The following NRXN1 variants were observed in gnomAD, a reference collection of about 807,000 sequenced individuals.
NRXN1 encodes the protein neurexin 1, also known as neurexin-1.
NRXN1 carries 39 observed loss-of-function variants against 150.9 expected under a neutral mutation model. The observed-to-expected ratio is 0.26, with a 90% confidence interval of 0.20 to 0.34. The LOEUF (loss-of-function observed/expected upper bound fraction) is 0.34. Among genes scored for constraint, NRXN1 ranks in the 10% least tolerant of loss-of-function variants. The pLI is 1.00. For missense variants in NRXN1, 1,815 were observed against 1,949.9 expected (o/e 0.93, Z 1.30); for synonymous variants, 924 against 757.0 (o/e 1.22, Z -3.62).
At chr2:50,763,946 G>A (rs1375270400) in intron 5 of NRXN1, among the ~76,000 whole-genome samples, 1 of 151,536 alleles carries the variant, frequency 6.6e-6, no homozygotes, top group Non-Finnish European at 1.5e-5. Flanking sequence ...CACTCCCACT[G>A]AGCTGACATG....
intron 5 of NRXN1, among the ~76,000 whole-genome samples, chr2:50,660,152 CA>C (rs1199034299): frequency 6.6e-6 from 1 of 151,998 alleles, no homozygotes; most frequent in Non-Finnish European, 1.5e-5. Context: ...TTATAGTAAG[CA>C]ATGTCACATA....
intron 15 of NRXN1, among the ~76,000 whole-genome samples, chr2:50,480,728 A>T (rs181686459): frequency 2.6e-5 from 4 of 152,286 alleles, no homozygotes; most frequent in African/African-American, 9.6e-5. Context: ...TGTCAGCCAC[A>T]GGTGTTCCTG....
At chr2:50,689,215 G>T (rs186616452) in intron 5 of NRXN1, among the ~76,000 whole-genome samples, 1 of 152,120 alleles carries the variant, frequency 6.6e-6, no homozygotes. Context: ...CAAGAAAACT[G>T]TACAGTCCTG....
chr2:50,206,999 T>C (rs1313786916), intron 18 of NRXN1, among the ~76,000 whole-genome samples: 1 of 151,846 alleles, frequency 6.6e-6, no homozygotes, highest in African/African-American at 2.4e-5. Flanking sequence ...ATATACTAAG[T>C]GTACATTAGG....
chr2:50,550,893 G>A (rs1667369865), intron 9 of NRXN1, among the ~76,000 whole-genome samples: 1 of 151,734 alleles, frequency 6.6e-6, no homozygotes, highest in African/African-American at 2.4e-5. Flanking sequence ...ATGTTAGCCA[G>A]GATGGTCTGG....
intron 17 of NRXN1, among the ~76,000 whole-genome samples, chr2:50,420,070 G>C (rs2083857432): frequency 6.6e-6 from 1 of 152,006 alleles, no homozygotes; most frequent in African/African-American, 2.4e-5. Context: ...ACTAAACATA[G>C]CACTGAGAAT....
At chr2:50,147,045 C>T (rs1313970762) in intron 18 of NRXN1, among the ~76,000 whole-genome samples, 1 of 151,698 alleles carries the variant, frequency 6.6e-6, no homozygotes, top group East Asian at 1.9e-4. Flanking sequence ...TCCCCTGTAA[C>T]ACTCAGTACA....
rs188417971 is a variant in NRXN1, at chr2:50,302,253, C to T, written c.3365-65283G>A. Among the ~76,000 whole-genome samples the T allele has an allele frequency of 6.6e-5, 10 of 151,972 alleles. No individual in the cohort carries two copies. In the East Asian group the frequency reaches 1.7e-3, roughly 26 times the overall value. ...ATGAATCCTTGAAGTTTCTTTTTTG[C>T]AGAGATTTAAGTTTTCAACTTTTCA... On this transcript the variant is annotated intron_variant, in intron 17 of 22. Transcript: ENST00000401669.
chr2:50,177,559 T>A (rs1004627491), intron 18 of NRXN1, among the ~76,000 whole-genome samples: 1 of 151,958 alleles, frequency 6.6e-6, no homozygotes, highest in Non-Finnish European at 1.5e-5. Context: ...TAAAATATTA[T>A]ATTCTCAAAA....
chr2:50,811,037 A>G (rs1668146490), intron 5 of NRXN1, among the ~76,000 whole-genome samples: 1 of 152,184 alleles, frequency 6.6e-6, no homozygotes, highest in Non-Finnish European at 1.5e-5. Flanking sequence ...GTACCCTGGT[A>G]AGGGGGACAG....
chr2:49,988,392 G>A (rs536152188), intron 21 of NRXN1, among the ~76,000 whole-genome samples: 1 of 151,910 alleles, frequency 6.6e-6, no homozygotes, highest in South Asian at 2.1e-4. Flanking sequence ...CTGCTAGACT[G>A]GGAAACAAAA....
At chr2:50,849,265 C>A (rs1430362302) in intron 5 of NRXN1, among the ~76,000 whole-genome samples, 1 of 152,214 alleles carries the variant, frequency 6.6e-6, no homozygotes, top group East Asian at 1.9e-4. Context: ...CCTTGATCTC[C>A]CTTTTCTAAG....
intron 18 of NRXN1, among the ~76,000 whole-genome samples, chr2:50,196,686 A>G (rs1186207656): frequency 6.6e-6 from 1 of 152,140 alleles, no homozygotes; most frequent in East Asian, 1.9e-4. Flanking sequence ...TAATATTGCC[A>G]TTTATTATCC....
At chr2:49,957,425 C>G (rs150444956) in intron 21 of NRXN1, among the ~76,000 whole-genome samples, 4 of 151,982 alleles carry the variant, frequency 2.6e-5, no homozygotes, top group African/African-American at 9.7e-5. Flanking sequence ...TTATTCTCAC[C>G]GCAATATGGA....
chr2:50,025,188 A>T (rs1193731607), intron 21 of NRXN1, among the ~76,000 whole-genome samples: 1 of 152,154 alleles, frequency 6.6e-6, no homozygotes, highest in Non-Finnish European at 1.5e-5. Context: ...TTCTTTTATG[A>T]AAGATAATCT....
Position 50,427,532 on chromosome 2 carries a change from G to A in NRXN1, c.3364+37910C>T, listed in dbSNP as rs983344605. ...CTAGCAGATTTCCCTAACTGGAAGT[G>A]TCATGTAAGGAGACATCCACAAAGT... On this transcript the variant is annotated intron_variant, in intron 17 of 22. Transcript: ENST00000401669. Among the ~76,000 whole-genome samples the A allele has an allele frequency of 1.3e-5, 2 of 152,174 alleles. 1 individual carries two copies. Among genetic ancestry groups the A allele is most frequent in the Non-Finnish European group, 2.9e-5 (2 of 68,038 alleles).
intron 17 of NRXN1, among the ~76,000 whole-genome samples, chr2:50,299,082 A>G (rs1412167832): frequency 1.3e-5 from 2 of 152,274 alleles, no homozygotes; most frequent in African/African-American, 4.8e-5. Context: ...GAATTGGGCT[A>G]CATAATCATG....
intron 17 of NRXN1, among the ~76,000 whole-genome samples, chr2:50,385,945 G>A (rs2081299988): frequency 6.6e-6 from 1 of 151,492 alleles, no homozygotes. Context: ...CGAAAAGGTG[G>A]AATAAAATAT....
chr2:50,572,426 T>C (rs2105466578), intron 8 of NRXN1, among the ~76,000 whole-genome samples: 1 of 152,366 alleles, frequency 6.6e-6, no homozygotes, highest in African/African-American at 2.4e-5. Context: ...TACTTCTTAG[T>C]GGTTTCTTTC....
Sources: gnomAD v4.1 joint callset for allele counts (sites outside exome capture counted in the v4.1 genomes callset) on GRCh38, gnomAD v4.1.1 for gene constraint, MANE v1.5 for transcripts, NCBI Gene and HGNC (gene_info 2026-07-23, HGNC 2026-07-21) for gene names.